Variants in NFIA observed in about 807,000 individuals in gnomAD.
The protein encoded by NFIA is nuclear factor I A, also known as nuclear factor 1 A-type.
Under a neutral mutation model 62.8 loss-of-function variants are expected in NFIA, and 8 were observed. The ratio of observed to expected loss-of-function variants is 0.13; its 90% confidence interval spans 0.07 to 0.23. The LOEUF is 0.23. Among genes scored for constraint, NFIA ranks in the 10% least tolerant of loss-of-function variants. NFIA has a pLI of 1.00. For synonymous variants in NFIA, 235 were observed against 238.1 expected (o/e 0.99, Z 0.12); for missense variants, 410 against 642.1 (o/e 0.64, Z 3.91).
intron 2 of NFIA, among the ~76,000 whole-genome samples, chr1:61,167,161 A>G (rs1649632697): frequency 6.6e-6 from 1 of 152,006 alleles, no homozygotes; most frequent in African/African-American, 2.4e-5. Context: ...GAATTTACAT[A>G]TTTTCCCATA....
intron 2 of NFIA, among the ~76,000 whole-genome samples, chr1:61,094,177 G>A (rs574683537): frequency 6.6e-6 from 1 of 152,280 alleles, no homozygotes; most frequent in South Asian, 2.1e-4. Flanking sequence ...GGTTATTTAA[G>A]GGTTAGAGCT....
chr1:61,381,511 G>T (rs1664412772), intron 6 of NFIA, among the ~76,000 whole-genome samples: 1 of 152,100 alleles, frequency 6.6e-6, no homozygotes, highest in Non-Finnish European at 1.5e-5. Flanking sequence ...CATGGATGTT[G>T]ATCTAGAAAG....
chr1:61,363,652 A>G (rs1663426152), intron 6 of NFIA, among the ~76,000 whole-genome samples: 1 of 151,950 alleles, frequency 6.6e-6, no homozygotes, highest in South Asian at 2.1e-4. Context: ...CATGAGAGAG[A>G]CCTGAAAAAT....
At chr1:61,448,793 G>A (rs763396904) in intron 10 of NFIA, among the ~76,000 whole-genome samples, 95 of 152,270 alleles carry the variant, frequency 6.2e-4, no homozygotes, top group Non-Finnish European at 8.7e-4. Flanking sequence ...AAAAGGTTAC[G>A]TGATGAAAAA....
chr1:61,166,233 G>A (rs565792802), intron 2 of NFIA, among the ~76,000 whole-genome samples: 6 of 152,308 alleles, frequency 3.9e-5, no homozygotes, highest in East Asian at 3.9e-4. Context: ...TACCTATAAT[G>A]TGAGAGATTA....
At chr1:61,384,136 G>A (rs1217914155) in intron 7 of NFIA, among the ~76,000 whole-genome samples, 1 of 152,154 alleles carries the variant, frequency 6.6e-6, no homozygotes, top group South Asian at 2.1e-4. Context: ...ATGAATAATT[G>A]TAGCCATGTT....
chr1:61,403,783 A>AT (rs1293052695), intron 7 of NFIA, among the ~76,000 whole-genome samples: 1 of 152,196 alleles, frequency 6.6e-6, no homozygotes, highest in Non-Finnish European at 1.5e-5. Context: ...TACCAAATAC[A>AT]TTTTTTATTG....
chr1:61,194,113 G>A lies in NFIA; in HGVS notation c.560-83407G>A, dbSNP rs146862495. ...GATTAACAAGATAATTTAGTGTCAG[G>A]CGGAGACCTAGGTTCAAATCCTTAC... On this transcript the variant is annotated intron_variant, in intron 2 of 10. Transcript: ENST00000403491. Among the ~76,000 whole-genome samples, 6 of 152,252 alleles carry A rather than the reference G, an allele frequency of 3.9e-5. No individual in the cohort carries two copies. The East Asian group carries it at 1.2e-3, about 29-fold the overall frequency.
chr1:61,078,236 A>C (rs1028812498), upstream of NFIA, among the ~76,000 whole-genome samples: 1 of 152,008 alleles, frequency 6.6e-6, no homozygotes, highest in Non-Finnish European at 1.5e-5. Context: ...TTTAGCAAGC[A>C]CAATAGGAAA....
At chr1:61,118,452 T>C (rs538833769) in intron 2 of NFIA, among the ~76,000 whole-genome samples, 27 of 152,102 alleles carry the variant, frequency 1.8e-4, no homozygotes, top group Admixed American at 1.2e-3. Context: ...CCTGGTCTCA[T>C]GGAGTGTGCA....
chr1:61,091,324 A>G (rs1646316951), intron 2 of NFIA, among the ~76,000 whole-genome samples: 1 of 151,858 alleles, frequency 6.6e-6, no homozygotes, highest in South Asian at 2.1e-4. Flanking sequence ...GAATACTAGA[A>G]GCAAATGCAG....
intron 6 of NFIA, among the ~76,000 whole-genome samples, chr1:61,370,688 G>A (rs907691016): frequency 3.3e-5 from 5 of 152,084 alleles, no homozygotes; most frequent in African/African-American, 9.7e-5. Flanking sequence ...TTCTTCCTGT[G>A]GTCCAGCACG....
At chr1:61,171,129 C>T (rs1426852837) in intron 2 of NFIA, among the ~76,000 whole-genome samples, 2 of 152,162 alleles carry the variant, frequency 1.3e-5, no homozygotes, top group African/African-American at 2.4e-5. Flanking sequence ...GATTTATTTA[C>T]ACTCTCAGTT....
At chr1:61,263,633 G>C (rs373124570) in intron 2 of NFIA, among the ~76,000 whole-genome samples, 2 of 152,126 alleles carry the variant, frequency 1.3e-5, no homozygotes, top group South Asian at 4.2e-4. Context: ...TTTGGCAAGG[G>C]TTCTAACACA....
intron 5 of NFIA, among the ~76,000 whole-genome samples, chr1:61,355,538 C>T (rs1294550907): frequency 6.6e-6 from 1 of 152,108 alleles, no homozygotes; most frequent in Non-Finnish European, 1.5e-5. Flanking sequence ...TCCTAACTTG[C>T]TTCATTCCTG....
At chr1:61,405,548 G>T (rs943339101) in intron 8 of NFIA, among the ~76,000 whole-genome samples, 2 of 152,242 alleles carry the variant, frequency 1.3e-5, no homozygotes, top group African/African-American at 4.8e-5. Context: ...ATTTTGATTG[G>T]GGACTAAATG....
chr1:61,387,937 T>A (rs2100493952), intron 7 of NFIA, among the ~76,000 whole-genome samples: 1 of 152,332 alleles, frequency 6.6e-6, no homozygotes, highest in African/African-American at 2.4e-5. Flanking sequence ...ATTCTCTAAG[T>A]AGAGCTTTGC....
At chr1:61,275,524 T>C (rs1278587087) in intron 2 of NFIA, among the ~76,000 whole-genome samples, 1 of 152,178 alleles carries the variant, frequency 6.6e-6, no homozygotes, top group Non-Finnish European at 1.5e-5. Flanking sequence ...AGAGAAGTGA[T>C]TAATTATAAA....
At chr1:61,298,066 C>T (rs922230011) in intron 3 of NFIA, among the ~76,000 whole-genome samples, 1 of 152,020 alleles carries the variant, frequency 6.6e-6, no homozygotes, top group Non-Finnish European at 1.5e-5. Context: ...AATCTCATCT[C>T]GAATTGTAAT....
Sources: allele counts gnomAD v4.1 joint callset (sites outside exome capture counted in the v4.1 genomes callset), GRCh38; gene constraint gnomAD v4.1.1; transcripts MANE v1.5; gene names NCBI Gene and HGNC (gene_info 2026-07-23, HGNC 2026-07-21).